Variants in CCM2 observed in about 807,000 individuals in gnomAD.
CCM2 encodes the protein CCM2 scaffold protein, also known as cerebral cavernous malformations 2 protein.
CCM2 carries 25 observed loss-of-function variants against 44.9 expected under a neutral mutation model. The ratio of observed to expected loss-of-function variants is 0.56; its 90% CI spans 0.41 to 0.78. CCM2 has a LOEUF of 0.78. Among genes scored for constraint, CCM2 ranks in the 30% least tolerant of loss-of-function variants. CCM2 has a pLI of 0.00. For missense variants in CCM2, 481 were observed against 580.6 expected, an observed-to-expected ratio of 0.83 and a Z score of 1.76; for synonymous variants, 219 against 241.1, an observed-to-expected ratio of 0.91 and a Z score of 0.85.
chr7:45,071,738 C>CT (rs1256408507), intron 6 of CCM2: 3 of 456,554 alleles, frequency 6.6e-6, no homozygotes, highest in African/African-American at 6.0e-5. Context: ...GGCCCTTCCT[C>CT]TGTCTTCACA....
intron 1 of CCM2, among the ~76,000 whole-genome samples, chr7:45,026,272 A>G (rs893309261): frequency 6.6e-6 from 1 of 152,328 alleles, no homozygotes; most frequent in African/African-American, 2.4e-5. Context: ...ACAGAAAGTG[A>G]CAGTCCAGTT....
intron 1 of CCM2, 97 bp downstream of exon 1, chr7:45,000,460 G>GT (rs889605256): frequency 2.0e-5 from 6 of 307,316 alleles, no homozygotes; most frequent in Admixed American, 6.0e-5. Context: ...GGCCCGGGGG[G>GT]GGGGGCAGTG....
At chr7:45,060,570 CAT>C (rs1190580120) in intron 2 of CCM2, among the ~76,000 whole-genome samples, 2 of 152,222 alleles carry the variant, frequency 1.3e-5, no homozygotes, top group African/African-American at 2.4e-5. Flanking sequence ...CCTCATTGCA[CAT>C]ATGTTACACT....
In CCM2 at chr7:45,005,636, G is replaced by A. The variant is rs184147539; in HGVS notation, c.30+5273G>A. Among the ~76,000 whole-genome samples, 15 of 152,316 alleles carry A rather than the reference G, an allele frequency of 9.8e-5. No individual in the cohort carries two copies. The South Asian group carries it at 1.7e-3, about 17-fold the overall frequency. ...AAATCACCCTCTATTGTTGGTTTAC[G>A]TGGTGGCGATACAAGTTTTTAGTGA... On this transcript the variant is annotated intron_variant, in intron 1 of 9. Transcript: ENST00000258781.
At chr7:45,072,380 G>T (rs565556287) in intron 6 of CCM2, 5 of 435,938 alleles carry the variant, frequency 1.1e-5, no homozygotes, top group Non-Finnish European at 2.1e-5. Context: ...ATATGCCTGG[G>T]TTAAAGGAGA....
At chr7:45,056,165 C>T (rs1170244103) in intron 2 of CCM2, among the ~76,000 whole-genome samples, 1 of 152,082 alleles carries the variant, frequency 6.6e-6, no homozygotes, top group Admixed American at 6.5e-5. Flanking sequence ...AATGTCTTTT[C>T]AAGCCCCTGC....
At chr7:45,014,092 G>A (rs1796165634) in intron 1 of CCM2, among the ~76,000 whole-genome samples, 1 of 152,070 alleles carries the variant, frequency 6.6e-6, no homozygotes, top group Non-Finnish European at 1.5e-5. Flanking sequence ...CCAGTGGGAA[G>A]CACTTTAAGC....
intron 1 of CCM2, among the ~76,000 whole-genome samples, chr7:45,015,055 A>G (rs1796212440): frequency 6.6e-6 from 1 of 152,168 alleles, no homozygotes; most frequent in Non-Finnish European, 1.5e-5. Context: ...TGTTTCAGCT[A>G]ATCTTGTTCT....
chr7:45,025,875 G>T (rs188281809), intron 1 of CCM2, among the ~76,000 whole-genome samples: 2 of 151,482 alleles, frequency 1.3e-5, no homozygotes, highest in East Asian at 2.0e-4. Context: ...TTTTATGGAT[G>T]CAGTTCTTCT....
In CCM2 at chr7:45,038,510, A is replaced by G. The variant is rs1583902632; in HGVS notation, c.204+84A>G. On this transcript the variant is annotated intron_variant, in intron 2 of 9. Transcript: ENST00000258781. Reference sequence around the variant, plus strand: ...ATCCACCAGACACTCTTGAGTTTATAAGACACAGCCACACAAACACCTTAG... The same window carrying G: ...ATCCACCAGACACTCTTGAGTTTATGAGACACAGCCACACAAACACCTTAG... The G allele has an allele frequency of 5.0e-6, 7 of 1,399,676 alleles. No homozygotes were observed. The East Asian group carries it at 1.6e-4, about 32-fold the overall frequency. The allele number at this position is 1,399,676 out of a possible 1,614,324, so 86.7% of individuals were successfully genotyped here. A position where few individuals can be genotyped will look rare whatever the true frequency, so the allele number is the denominator to read the frequency against.
At chr7:45,054,487 A>T (rs1008858839) in intron 2 of CCM2, among the ~76,000 whole-genome samples, 16 of 81,186 alleles carry the variant, frequency 2.0e-4, no homozygotes, top group African/African-American at 6.5e-4. Flanking sequence ...GATCAATATT[A>T]AAAAAAAAAA....
In CCM2 at chr7:45,062,826, CAA is replaced by C. The variant is rs11326276; in HGVS notation, c.205-1077_205-1076del. Among the ~76,000 whole-genome samples the C allele has an allele frequency of 1.7e-3, 233 of 138,268 alleles. 1 individual carries two copies. The highest frequency in any genetic ancestry group is 9.1e-3 in the Admixed American group (127 of 13,988). The allele number at this position is 138,268 out of a possible 152,430, so 90.7% of individuals were successfully genotyped here. A position where few individuals can be genotyped will look rare whatever the true frequency, so the allele number is the denominator to read the frequency against. On this transcript the variant is annotated intron_variant, in intron 2 of 9. Transcript: ENST00000258781. ...TGTGTGATAGAGTGAGACCCTGTCT[CAA>C]AAAAAAAAAAAAAATCGTATCGTTC...
chr7:45,073,674 C>T (rs749663578), intron 8 of CCM2, 103 bp downstream of exon 8: 26 of 793,288 alleles, frequency 3.3e-5, no homozygotes, highest in Non-Finnish European at 5.1e-5. Flanking sequence ...GGGCAGGCTG[C>T]AGTGAGTGAG....
intron 1 of CCM2, among the ~76,000 whole-genome samples, chr7:45,016,747 C>T (rs1357145723): frequency 6.6e-6 from 1 of 152,148 alleles, no homozygotes; most frequent in Non-Finnish European, 1.5e-5. Flanking sequence ...ATTCTCCTGC[C>T]TCAGCCTCCC....
At chr7:45,032,965 G>A (rs971662864) in intron 1 of CCM2, among the ~76,000 whole-genome samples, 6 of 150,760 alleles carry the variant, frequency 4.0e-5, no homozygotes, top group Admixed American at 2.0e-4. Flanking sequence ...TGCTTGAACC[G>A]GGGAGGCAGA....
At position 45,073,744 on chromosome 7, in the gene CCM2, C is replaced by T. The variant is rs17172338; in HGVS notation, c.915+173C>T. On this transcript the variant is annotated intron_variant, in intron 8 of 9. Transcript: ENST00000258781. ...ATCACTGCCTTTTCCTGGGGATAGT[C>T]TAGGAGAGCATCAGTCAGTGGGGCT... 7,352 of 607,040 alleles carry T rather than the reference C, an allele frequency of 0.012. 413 individuals are homozygous for T. The highest frequency in any genetic ancestry group is 0.12 in the African/African-American group (6,483 of 54,448). The allele number at this position is 607,040 out of a possible 1,614,324, so 37.6% of individuals were successfully genotyped here. A position where few individuals can be genotyped will look rare whatever the true frequency, so the allele number is the denominator to read the frequency against.
At position 45,076,403 on chromosome 7, in the gene CCM2, G is replaced by A. The variant is rs979638787; in HGVS notation, c.*346G>A. On this transcript the variant is annotated 3_prime_UTR_variant, in exon 10 of 10. Coordinates refer to ENST00000258781, the MANE Select transcript of CCM2 (RefSeq NM_031443.4). The stretch of plus-strand genomic sequence containing the variant: ...CAGTTTTGCACATGATGTTCCTATT[G>A]TAACTCTCAGAGACCTTAAAAAGAA... The A allele has an allele frequency of 4.5e-6, 2 of 449,336 alleles. No individual in the cohort carries two copies. Among genetic ancestry groups the A allele is most frequent in the African/African-American group, 2.0e-5 (1 of 49,818 alleles). The allele number at this position is 449,336 out of a possible 1,614,324, so 27.8% of individuals were successfully genotyped here. A position where few individuals can be genotyped will look rare whatever the true frequency, so the allele number is the denominator to read the frequency against.
intron 5 of CCM2, among the ~76,000 whole-genome samples, chr7:45,069,040 C>T (rs1201990936): frequency 6.6e-6 from 1 of 152,242 alleles, no homozygotes; most frequent in Non-Finnish European, 1.5e-5. Context: ...TTGCAGATTC[C>T]TCACAACCTG....
Position 45,017,048 on chromosome 7 carries a change from C to T in CCM2, c.30+16685C>T, listed in dbSNP as rs1253638330. Among the ~76,000 whole-genome samples, 7 of 152,292 alleles carry T rather than the reference C, an allele frequency of 4.6e-5. No homozygotes were observed. In the East Asian group the frequency reaches 7.7e-4, roughly 17 times the overall value. On this transcript the variant is annotated intron_variant, in intron 1 of 9. Coordinates refer to ENST00000258781, the MANE Select transcript of CCM2 (RefSeq NM_031443.4). ...CCTCCCAAAGTGCTGAGATTACAGG[C>T]GTGAGCCACTGCATCTGGCCCAAAC...
Sources: gnomAD v4.1 joint callset for allele counts (sites outside exome capture counted in the v4.1 genomes callset) on GRCh38, gnomAD v4.1.1 for gene constraint, MANE v1.5 for transcripts, NCBI Gene and HGNC (gene_info 2026-07-23, HGNC 2026-07-21) for gene names.